The following LRBA variants were observed in gnomAD, a reference collection of about 807,000 sequenced individuals.
LRBA encodes LPS responsive beige-like anchor protein, also known as lipopolysaccharide-responsive and beige-like anchor protein.
Under a neutral mutation model 330.0 loss-of-function variants are expected in LRBA, and 176 were observed. That is an observed-to-expected ratio of 0.53 (90% CI 0.47 to 0.60). LRBA has a LOEUF of 0.60. Ranked by LOEUF, LRBA falls within the 20% of genes least tolerant of loss-of-function variation. The pLI, the probability that LRBA is intolerant of heterozygous loss-of-function variation, is 0.00. For missense variants in LRBA, 3,259 were observed against 3,444.8 expected, an observed-to-expected ratio of 0.95 and a Z score of 1.35; for synonymous variants, 1,230 against 1,193.0, an observed-to-expected ratio of 1.03 and a Z score of -0.64.
At chr4:150,525,329 T>C (rs750689250) in intron 40 of LRBA, among the ~76,000 whole-genome samples, 1 of 152,152 alleles carries the variant, frequency 6.6e-6, no homozygotes, top group Admixed American at 6.5e-5. Context: ...TTTTCCATTA[T>C]GTTCTTTTTT....
intron 2 of LRBA, among the ~76,000 whole-genome samples, chr4:150,934,114 G>A (rs1312628981): frequency 2.0e-5 from 3 of 151,848 alleles, no homozygotes; most frequent in South Asian, 2.1e-4. Context: ...TAATACAAAC[G>A]TTTGGGATTT....
intron 19 of LRBA, among the ~76,000 whole-genome samples, chr4:150,870,892 T>C (rs955052987): frequency 3.9e-5 from 6 of 152,194 alleles, no homozygotes; most frequent in Middle Eastern, 3.2e-3. Flanking sequence ...AGATTAATTA[T>C]AGATTTCTAA....
chr4:150,544,066 C>A (rs1036108414), intron 40 of LRBA, among the ~76,000 whole-genome samples: 2 of 152,044 alleles, frequency 1.3e-5, no homozygotes, highest in Non-Finnish European at 2.9e-5. Flanking sequence ...GTCTACCTGT[C>A]CAGCTTTGCC....
chr4:150,550,015 A>G (rs1401167384), intron 40 of LRBA, among the ~76,000 whole-genome samples: 1 of 152,212 alleles, frequency 6.6e-6, no homozygotes, highest in Non-Finnish European at 1.5e-5. Context: ...GTGTGTAAAT[A>G]AAAAAATACA....
chr4:150,404,382 T>C lies in LRBA; in HGVS notation c.7194+11056A>G, dbSNP rs529258726. Reference sequence around the variant, plus strand: ...ATGAGAGTTCTGAGAAGAGTATTTGTAAGTTTTTAGATTATTTTGCTTTTT... The same window carrying C: ...ATGAGAGTTCTGAGAAGAGTATTTGCAAGTTTTTAGATTATTTTGCTTTTT... On this transcript the variant is annotated intron_variant, in intron 47 of 56. Transcript: ENST00000651943. 3.3e-5 allele frequency among the ~76,000 whole-genome samples: 5 copies of C among 152,310 alleles called. No homozygotes were observed. The South Asian group carries it at 1.0e-3, about 32-fold the overall frequency.
rs562550284 is a variant in LRBA at position 150,302,213 on chromosome 4, A to G, written c.8017+412T>C. 3.3e-5 allele frequency among the ~76,000 whole-genome samples: 5 copies of G among 152,282 alleles called. No homozygotes were observed. The South Asian group carries it at 6.2e-4, about 19-fold the overall frequency. On this transcript the variant is annotated intron_variant, in intron 53 of 56. Coordinates refer to ENST00000651943, the MANE Select transcript of LRBA (RefSeq NM_001364905.1). ...CCTGTTTTATCTTTTTAATACATAA[A>G]TGAAAGCATAATTTTATCAAGACTA... is the stretch of plus-strand genomic sequence containing the variant.
chr4:150,862,956 G>A (rs1360013251), intron 22 of LRBA, among the ~76,000 whole-genome samples: 7 of 151,866 alleles, frequency 4.6e-5, no homozygotes, highest in Non-Finnish European at 1.0e-4. Flanking sequence ...TCCAGCCAGG[G>A]TGACAGAGCA....
chr4:150,592,133 G>A (rs1403264398), intron 38 of LRBA, among the ~76,000 whole-genome samples: 1 of 128,124 alleles, frequency 7.8e-6, no homozygotes, highest in Non-Finnish European at 1.6e-5. Flanking sequence ...TATGGAAATC[G>A]GATGGCTAGG....
chr4:150,516,905 G>A (rs1762418687), intron 40 of LRBA, among the ~76,000 whole-genome samples: 1 of 152,108 alleles, frequency 6.6e-6, no homozygotes, highest in South Asian at 2.1e-4. Flanking sequence ...TCAACATGTA[G>A]GGATGGTTAT....
chr4:150,410,689 A>G (rs529107295), intron 47 of LRBA, among the ~76,000 whole-genome samples: 58 of 152,300 alleles, frequency 3.8e-4, no homozygotes, highest in Non-Finnish European at 6.2e-4. Context: ...TCTCTTATTC[A>G]TCGAATCTAA....
chr4:150,596,355 T>C lies in LRBA; in HGVS notation c.6046+2652A>G, dbSNP rs1046961379. Among the ~76,000 whole-genome samples the C allele has an allele frequency of 2.0e-5, 3 of 152,022 alleles. No individual in the cohort carries two copies. The East Asian group carries it at 5.8e-4, about 29-fold the overall frequency. On this transcript the variant is annotated intron_variant, in intron 38 of 56. Coordinates refer to ENST00000651943, the MANE Select transcript of LRBA (RefSeq NM_001364905.1). ...AAATCAAATCAATCTATAAAAAAGATGGCTCTTACTACTAAAATACGTAAC... is the reference window on the plus strand; with the variant it reads ...AAATCAAATCAATCTATAAAAAAGACGGCTCTTACTACTAAAATACGTAAC...
intron 35 of LRBA, among the ~76,000 whole-genome samples, chr4:150,744,720 C>T (rs1351214335): frequency 1.3e-5 from 2 of 152,196 alleles, no homozygotes; most frequent in Admixed American, 6.5e-5. Context: ...CTCATATTAA[C>T]ATAAGTGCTA....
At chr4:150,691,969 T>A (rs980887952) in intron 36 of LRBA, among the ~76,000 whole-genome samples, 2 of 152,276 alleles carry the variant, frequency 1.3e-5, no homozygotes, top group Admixed American at 6.5e-5. Context: ...TTATAGCAGA[T>A]AAAACTATCT....
intron 40 of LRBA, among the ~76,000 whole-genome samples, chr4:150,512,739 A>T (rs944559466): frequency 6.2e-5 from 9 of 144,732 alleles, no homozygotes; most frequent in South Asian, 2.2e-4. Flanking sequence ...AAAAAAAAAA[A>T]GATGAAGAGT....
chr4:150,887,790 AG>A (rs1729104667), intron 17 of LRBA, among the ~76,000 whole-genome samples: 1 of 149,380 alleles, frequency 6.7e-6, no homozygotes. Context: ...AAAAAAAGAA[AG>A]AAAAAAAAAA....
intron 36 of LRBA, among the ~76,000 whole-genome samples, chr4:150,698,248 T>C (rs1403436753): frequency 6.6e-6 from 1 of 152,170 alleles, no homozygotes; most frequent in Admixed American, 6.5e-5. Context: ...TTCTTATTAA[T>C]CTTTATTTTA....
chr4:150,597,440 T>A (rs1031269303), intron 38 of LRBA, among the ~76,000 whole-genome samples: 1 of 151,874 alleles, frequency 6.6e-6, no homozygotes, highest in African/African-American at 2.4e-5. Context: ...ATTATTGATA[T>A]CTAAGGATAA....
At chr4:150,810,949 T>TA (rs1743633463) in intron 31 of LRBA, among the ~76,000 whole-genome samples, 1 of 152,326 alleles carries the variant, frequency 6.6e-6, no homozygotes, top group Non-Finnish European at 1.5e-5. Flanking sequence ...CATTTCATCA[T>TA]AAAAATATTG....
At chr4:150,654,053 G>A (rs1779950724) in intron 37 of LRBA, among the ~76,000 whole-genome samples, 1 of 152,082 alleles carries the variant, frequency 6.6e-6, no homozygotes, top group Non-Finnish European at 1.5e-5. Context: ...CCTCTATGTA[G>A]TATATAATAG....
Sources: allele counts gnomAD v4.1 joint callset (sites outside exome capture counted in the v4.1 genomes callset), GRCh38; gene constraint gnomAD v4.1.1; transcripts MANE v1.5; gene names NCBI Gene and HGNC (gene_info 2026-07-23, HGNC 2026-07-21).